The following GPC5 variants were observed in gnomAD, a reference collection of about 807,000 sequenced individuals.
GPC5 encodes glypican 5, also known as glypican-5.
A neutral mutation model predicts 53.9 loss-of-function variants in GPC5; 47 were observed. The observed-to-expected ratio is 0.87, with a 90% CI of 0.69 to 1.11. The LOEUF (loss-of-function observed/expected upper bound fraction) is 1.11. GPC5 is among the 50% of genes most tolerant of loss of function. GPC5 has a pLI of 0.00. For synonymous variants in GPC5, 286 were observed against 263.3 expected, an observed-to-expected ratio of 1.09 and a Z score of -0.84; for missense variants, 748 against 713.1, an observed-to-expected ratio of 1.05 and a Z score of -0.56.
intron 7 of GPC5, among the ~76,000 whole-genome samples, chr13:92,689,266 A>T (rs1887325838): frequency 3.5e-5 from 2 of 57,690 alleles, no homozygotes; most frequent in African/African-American, 8.4e-5. Flanking sequence ...TGGGTGCATA[A>T]ATATTTAGGA....
chr13:91,879,048 T>C (rs9523445), intron 5 of GPC5, among the ~76,000 whole-genome samples: 129,883 of 152,092 alleles, frequency 0.85, 55,599 homozygotes, highest in East Asian at 0.98. Flanking sequence ...TAATGTTTTT[T>C]ATATGGCACA....
chr13:91,802,428 C>G (rs12430256), intron 5 of GPC5, among the ~76,000 whole-genome samples: 2 of 152,122 alleles, frequency 1.3e-5, no homozygotes, highest in Non-Finnish European at 2.9e-5. Flanking sequence ...CATAAAGGTA[C>G]TGCAGACCCA....
intron 5 of GPC5, among the ~76,000 whole-genome samples, chr13:91,857,917 G>T (rs890280171): frequency 1.3e-5 from 2 of 151,402 alleles, no homozygotes; most frequent in African/African-American, 2.4e-5. Flanking sequence ...AATTCAAATT[G>T]TTGGTTAATT....
chr13:92,794,733 AC>A (rs1876594846), intron 7 of GPC5, among the ~76,000 whole-genome samples: 1 of 152,122 alleles, frequency 6.6e-6, no homozygotes, highest in Admixed American at 6.6e-5. Context: ...ATTCCTATAC[AC>A]CAAAAACAGA....
intron 3 of GPC5, among the ~76,000 whole-genome samples, chr13:91,696,328 T>G (rs1483650728): frequency 6.6e-6 from 1 of 152,222 alleles, no homozygotes; most frequent in Non-Finnish European, 1.5e-5. Context: ...ATGACTATTT[T>G]GAGAAATATA....
At chr13:92,421,737 GTTCTGC>G (rs1382537059) in intron 7 of GPC5, among the ~76,000 whole-genome samples, 1 of 147,634 alleles carries the variant, frequency 6.8e-6, no homozygotes, top group Non-Finnish European at 1.5e-5. Flanking sequence ...TTGGCTCACG[GTTCTGC>G]AGGAAGCATG....
At chr13:92,422,211 G>A (rs924794074) in intron 7 of GPC5, among the ~76,000 whole-genome samples, 2 of 151,786 alleles carry the variant, frequency 1.3e-5, no homozygotes, top group Non-Finnish European at 2.9e-5. Flanking sequence ...AAACTGAAGA[G>A]AACTTTAGCT....
intron 6 of GPC5, among the ~76,000 whole-genome samples, chr13:91,976,005 G>C (rs2040296894): frequency 6.6e-6 from 1 of 152,102 alleles, no homozygotes; most frequent in African/African-American, 2.4e-5. Flanking sequence ...ATCATTCTCA[G>C]CCAACTATTG....
chr13:92,192,082 A>G (rs997316123), intron 7 of GPC5, among the ~76,000 whole-genome samples: 1 of 152,168 alleles, frequency 6.6e-6, no homozygotes, highest in Non-Finnish European at 1.5e-5. Flanking sequence ...AAGGGTTAGG[A>G]GGTGAAGGGG....
intron 1 of GPC5, among the ~76,000 whole-genome samples, chr13:91,431,710 G>A (rs1345119460): frequency 1.3e-5 from 2 of 152,190 alleles, no homozygotes; most frequent in African/African-American, 4.8e-5. Flanking sequence ...ACACACATAT[G>A]GCTGGCAAGT....
intron 7 of GPC5, among the ~76,000 whole-genome samples, chr13:92,398,922 A>C (rs1236710791): frequency 1.3e-5 from 2 of 151,918 alleles, no homozygotes; most frequent in African/African-American, 4.8e-5. Flanking sequence ...TTTCCATCCT[A>C]ACCTAGATCC....
chr13:91,988,737 A>G (rs1310690675), intron 6 of GPC5, among the ~76,000 whole-genome samples: 1 of 152,196 alleles, frequency 6.6e-6, no homozygotes, highest in Non-Finnish European at 1.5e-5. Flanking sequence ...TTCATTTTAG[A>G]GACCCATTTT....
intron 2 of GPC5, among the ~76,000 whole-genome samples, chr13:91,542,250 A>G (rs911650176): frequency 1.3e-5 from 2 of 152,084 alleles, no homozygotes; most frequent in Non-Finnish European, 2.9e-5. Flanking sequence ...AATTTCTCTC[A>G]TAATATTGCA....
chr13:92,521,263 T>C (rs572112698), intron 7 of GPC5, among the ~76,000 whole-genome samples: 2 of 152,154 alleles, frequency 1.3e-5, no homozygotes, highest in South Asian at 2.1e-4. Flanking sequence ...CTTCACAGAA[T>C]TGGAAAAAAC....
intron 1 of GPC5, among the ~76,000 whole-genome samples, chr13:91,442,937 A>C (rs1880538909): frequency 6.6e-6 from 1 of 152,206 alleles, no homozygotes; most frequent in Non-Finnish European, 1.5e-5. Flanking sequence ...GTTCATATCC[A>C]AAAGGAAGGA....
chr13:91,734,123 T>G (rs1326744421), intron 4 of GPC5, among the ~76,000 whole-genome samples: 7 of 148,420 alleles, frequency 4.7e-5, no homozygotes, highest in Non-Finnish European at 1.0e-4. Flanking sequence ...ATGTGATGGA[T>G]TATGTTTATT....
chr13:92,289,252 T>A (rs1361232114), intron 7 of GPC5, among the ~76,000 whole-genome samples: 3 of 152,106 alleles, frequency 2.0e-5, no homozygotes, highest in African/African-American at 7.2e-5. Flanking sequence ...TTAGAATGTA[T>A]TTATCCATCT....
At chr13:92,520,851 G>T (rs940604882) in intron 7 of GPC5, among the ~76,000 whole-genome samples, 2 of 152,180 alleles carry the variant, frequency 1.3e-5, no homozygotes, top group Non-Finnish European at 2.9e-5. Context: ...GTCCCTGTTT[G>T]CAGATGACAT....
intron 6 of GPC5, among the ~76,000 whole-genome samples, chr13:92,126,740 A>T (rs1351668346): frequency 1.3e-5 from 2 of 152,148 alleles, no homozygotes; most frequent in Non-Finnish European, 2.9e-5. Context: ...GAGAGAAAAA[A>T]ACTCATTAAA....
Sources: gnomAD v4.1 joint callset for allele counts (sites outside exome capture counted in the v4.1 genomes callset) on GRCh38, gnomAD v4.1.1 for gene constraint, MANE v1.5 for transcripts, NCBI Gene and HGNC (gene_info 2026-07-23, HGNC 2026-07-21) for gene names.